Variants in MICAL3 observed in about 807,000 individuals in gnomAD.
The protein encoded by MICAL3 is microtubule associated monooxygenase, calponin and LIM domain containing 3.
In MICAL3, 62 loss-of-function variants were observed where a neutral mutation model predicts 207.4. The ratio of observed to expected loss-of-function variants is 0.30; its 90% CI spans 0.24 to 0.37. The LOEUF (loss-of-function observed/expected upper bound fraction) is 0.37, where lower values mean the gene tolerates loss of function less well. MICAL3 is among the 10% of genes least tolerant of loss of function. The pLI, the probability that MICAL3 is intolerant of heterozygous loss-of-function variation, is 1.00. For synonymous variants in MICAL3, 1,077 were observed against 1,069.3 expected (o/e 1.01, Z -0.14); for missense variants, 2,368 against 2,635.6 (o/e 0.90, Z 2.22).
In MICAL3 at chr22:17,960,728, C is replaced by T. The variant is rs558634876; in HGVS notation, c.-74-53842G>A. 1.2e-3 allele frequency among the ~76,000 whole-genome samples: 177 copies of T among 152,198 alleles called. 5 individuals carry two copies. In the South Asian group the frequency reaches 0.033, roughly 28 times the overall value. ...GGAGGCAGATTTGGAAACAGACACC[C>T]GCCCCGGGGTCAGATTTGACCCAGG... is the stretch of plus-strand genomic sequence containing the variant. On this transcript the variant is annotated intron_variant, in intron 1 of 31. Transcript: ENST00000441493.
chr22:17,959,048 C>A lies in MICAL3; in HGVS notation c.-74-52162G>T, dbSNP rs542342912. 2.7e-4 allele frequency among the ~76,000 whole-genome samples: 34 copies of A among 127,820 alleles called. 2 individuals are homozygous for A. In the East Asian group the frequency reaches 6.9e-3, roughly 26 times the overall value. 83.9% of individuals were successfully genotyped at this position (127,820 alleles called of 152,430 possible). A position where few individuals can be genotyped will look rare whatever the true frequency, so the allele number is the denominator to read the frequency against. On this transcript the variant is annotated intron_variant, in intron 1 of 31. Transcript: ENST00000441493. ...TTTTTTTTTTTGAGATGGAGTCTCG[C>A]TCTGTTGCCCAGGCTGAAGTGCAGT...
At chr22:17,820,686 T>C (rs1921487372) in intron 25 of MICAL3, among the ~76,000 whole-genome samples, 1 of 152,124 alleles carries the variant, frequency 6.6e-6, no homozygotes, top group African/African-American at 2.4e-5. Context: ...TATACATTTA[T>C]TTTAACATAA....
intron 1 of MICAL3, among the ~76,000 whole-genome samples, chr22:17,925,118 T>A (rs747831152): frequency 2.6e-5 from 4 of 152,058 alleles, no homozygotes; most frequent in Admixed American, 6.6e-5. Context: ...CTTGGCTCAT[T>A]CCTGGTAAAT....
At position 17,791,243 on chromosome 22, in the gene MICAL3, C is replaced by T; in HGVS notation, c.5709G>A (p.Glu1903=). The T allele has an allele frequency of 6.2e-7, 1 of 1,613,960 alleles. No homozygotes were observed. Among genetic ancestry groups the T allele is most frequent in the South Asian group, 1.1e-5 (1 of 91,060 alleles). The change falls in exon 30 of 32, where the codon GAG becomes GAA. Residue 1903 remains glutamate, a synonymous_variant. Transcript: ENST00000441493. Reference sequence around the variant, plus strand: ...ACTCGTAGCGCACCATGGCGTTCTTCTCCTGCACTAGCTTGAACCACTCCT... The same window carrying T: ...ACTCGTAGCGCACCATGGCGTTCTTTTCCTGCACTAGCTTGAACCACTCCT... ...LMQEWFKLVQ[E]KNAMVRYESE...
At chr22:17,938,664 A>G (rs1933662637) in intron 1 of MICAL3, among the ~76,000 whole-genome samples, 1 of 152,186 alleles carries the variant, frequency 6.6e-6, no homozygotes, top group African/African-American at 2.4e-5. Flanking sequence ...ATGCTTTGAT[A>G]CCCAGAGTCT....
chr22:17,861,210 C>CT, intron 19 of MICAL3: 1 of 985,406 alleles, frequency 1.0e-6, no homozygotes, highest in Non-Finnish European at 1.2e-6. Flanking sequence ...TACTGCCTGG[C>CT]TACCCTTCTA....
At chr22:17,813,159 G>T (rs1601951095) in intron 27 of MICAL3, 2 of 152,328 alleles carry the variant, frequency 1.3e-5, no homozygotes, top group African/African-American at 4.8e-5. Flanking sequence ...AGTAAGTGCT[G>T]TTCACCAAAA....
Position 17,818,135 on chromosome 22 carries a change from A to C in MICAL3, c.4526T>G (p.Val1509Gly). Residue 1509 changes from valine to glycine, a missense_variant, in exon 26 of 32, where the codon GTG becomes GGG. Physicochemically the swap from Val to Gly is moderately radical, Grantham distance 109. Transcript: ENST00000441493. The part of the protein sequence containing the change: ...REPAQPPREE[V>G]RKSFVESVEE... Reference sequence around the variant, plus strand: ...CACGCTCTCCACAAACGACTTCCGCACCTCCTCTCTGGGGGGCTGAGCAGG... The same window carrying C: ...CACGCTCTCCACAAACGACTTCCGCCCCTCCTCTCTGGGGGGCTGAGCAGG... 6.2e-7 allele frequency: 1 copy of C among 1,608,568 alleles called. No homozygotes were observed. Among genetic ancestry groups the C allele is most frequent in the South Asian group, 1.1e-5 (1 of 90,194 alleles).
chr22:17,966,211 C>T (rs1935133755), intron 1 of MICAL3, among the ~76,000 whole-genome samples: 1 of 152,184 alleles, frequency 6.6e-6, no homozygotes, highest in Non-Finnish European at 1.5e-5. Flanking sequence ...CAGTCCCTGA[C>T]TCTGGCCACC....
At chr22:17,987,970 G>A (rs952698702) in intron 1 of MICAL3, among the ~76,000 whole-genome samples, 4 of 152,308 alleles carry the variant, frequency 2.6e-5, no homozygotes, top group African/African-American at 4.8e-5. Flanking sequence ...GCTACCTGTG[G>A]CTCCACAAAC....
At chr22:17,887,770 T>C (rs997523361) in intron 13 of MICAL3, among the ~76,000 whole-genome samples, 2 of 152,140 alleles carry the variant, frequency 1.3e-5, no homozygotes, top group Non-Finnish European at 2.9e-5. Context: ...CTCGTTTTTG[T>C]GACAAAAATT....
intron 19 of MICAL3, among the ~76,000 whole-genome samples, chr22:17,846,578 G>T (rs894293831): frequency 3.9e-5 from 6 of 152,154 alleles, no homozygotes; most frequent in South Asian, 2.1e-4. Flanking sequence ...ATCAACTAAT[G>T]GCAGAACCCA....
chr22:17,893,810 T>C lies in MICAL3; in HGVS notation c.1544A>G (p.Asn515Ser), dbSNP rs373980945. ...NSRTTPKLTR[N>S]ESVARSSKLL... is the part of the protein sequence containing the mutation. Reference sequence around the variant, plus strand: ...AAAAAGCCACCACCAGAACTCACCATTGCGAGTCAATTTGGGGGTGGTTCG... The same window carrying C: ...AAAAAGCCACCACCAGAACTCACCACTGCGAGTCAATTTGGGGGTGGTTCG... Residue 515 changes from asparagine to serine, a missense_variant and splice_region_variant, in exon 11 of 32, where the codon AAT becomes AGT. Physicochemically the swap from Asn to Ser is conservative, Grantham distance 46. Coordinates refer to ENST00000441493, the MANE Select transcript of MICAL3 (RefSeq NM_015241.3). The C allele has an allele frequency of 1.9e-6, 3 of 1,567,572 alleles. No individual in the cohort carries two copies. Among genetic ancestry groups the C allele is most frequent in the Admixed American group, 1.9e-5 (1 of 53,956 alleles).
chr22:17,940,947 A>C (rs1044097215), intron 1 of MICAL3, among the ~76,000 whole-genome samples: 1 of 151,878 alleles, frequency 6.6e-6, no homozygotes, highest in African/African-American at 2.4e-5. Flanking sequence ...AAGCCCATCC[A>C]CTCCTCCCCA....
intron 1 of MICAL3, among the ~76,000 whole-genome samples, 189 bp from the exon 2 acceptor site, chr22:17,907,075 C>T (rs138395639): frequency 6.6e-6 from 1 of 152,336 alleles, no homozygotes; most frequent in East Asian, 1.9e-4. Flanking sequence ...ATGGTTCTTG[C>T]TCTCAAGGAT....
chr22:17,918,754 C>T (rs1244964307), intron 1 of MICAL3, among the ~76,000 whole-genome samples: 1 of 152,182 alleles, frequency 6.6e-6, no homozygotes, highest in Non-Finnish European at 1.5e-5. Context: ...GACACCCTCT[C>T]ACCTCAGCCT....
chr22:17,837,937 C>G (rs1228683098), intron 20 of MICAL3, among the ~76,000 whole-genome samples: 1 of 152,230 alleles, frequency 6.6e-6, no homozygotes, highest in Non-Finnish European at 1.5e-5. Context: ...TTGCTTCAGC[C>G]TCCTGAGGAG....
chr22:18,012,655 T>C (rs1923820973), intron 1 of MICAL3, among the ~76,000 whole-genome samples: 1 of 152,214 alleles, frequency 6.6e-6, no homozygotes, highest in South Asian at 2.1e-4. Context: ...CTCAGATATT[T>C]GCTGCTCAAA....
chr22:18,015,422 CTT>C (rs34098867), intron 1 of MICAL3, among the ~76,000 whole-genome samples: 378 of 105,552 alleles, frequency 3.6e-3, no homozygotes, highest in African/African-American at 7.1e-3. Context: ...TAAGACTCAT[CTT>C]TTTTTTTTTT....
Sources: gnomAD v4.1 joint callset for allele counts (sites outside exome capture counted in the v4.1 genomes callset) on GRCh38, gnomAD v4.1.1 for gene constraint, MANE v1.5 for transcripts, NCBI Gene and HGNC (gene_info 2026-07-23, HGNC 2026-07-21) for gene names.